The following RPS6KA2 variants were observed in gnomAD, a reference collection of about 807,000 sequenced individuals.
RPS6KA2 encodes ribosomal protein S6 kinase A2.
In RPS6KA2, 42 loss-of-function variants were observed where a neutral mutation model predicts 91.8. The ratio of observed to expected loss-of-function variants is 0.46; its 90% CI spans 0.36 to 0.59. The LOEUF (loss-of-function observed/expected upper bound fraction) is 0.59, where lower values mean the gene tolerates loss of function less well. Among genes scored for constraint, RPS6KA2 ranks in the 20% least tolerant of loss-of-function variants. The probability of loss-of-function intolerance (pLI) is 0.00; values close to 1 mark genes in which losing one functional copy is unlikely to be tolerated. For missense variants in RPS6KA2, 798 were observed against 978.5 expected (o/e 0.82, Z 2.46); for synonymous variants, 414 against 393.6 (o/e 1.05, Z -0.61).
chr6:166,534,221 C>CAAAAAAAAAAAAAAAAAAAAA (rs34585369), intron 2 of RPS6KA2, among the ~76,000 whole-genome samples: 1 of 59,344 alleles, frequency 1.7e-5, no homozygotes, highest in Admixed American at 2.4e-4. Flanking sequence ...GACTCTGTCT[C>CAAAAAAAAAAAAAAAAAAAAA]AAAAAAAAAA....
chr6:166,753,039 C>T (rs1777895096), intron 2 of RPS6KA2, among the ~76,000 whole-genome samples: 1 of 152,210 alleles, frequency 6.6e-6, no homozygotes, highest in Non-Finnish European at 1.5e-5. Context: ...AGATACCACT[C>T]CCTTTATGGG....
intron 2 of RPS6KA2, among the ~76,000 whole-genome samples, chr6:166,755,630 C>T (rs562985358): frequency 3.3e-5 from 5 of 152,316 alleles, no homozygotes; most frequent in East Asian, 1.9e-4. Flanking sequence ...TGCTGCGCTC[C>T]GGCCCAGCTT....
In RPS6KA2 at chr6:166,419,973, C is replaced by A. The variant is rs371642797; in HGVS notation, c.1744-15G>T. On this transcript the variant is annotated splice_polypyrimidine_tract_variant and intron_variant, in intron 17 of 20. Transcript: ENST00000265678. The surrounding 1 kb of genome is among the most constrained non-coding windows in gnomAD (Gnocchi z 5.6). ...CGCTTCAGGACCTAGGAGGGAACGA[C>A]AGGACACCGGCACGCCCTTCACTAA... The A allele has an allele frequency of 6.8e-6, 11 of 1,612,374 alleles. No individual in the cohort carries two copies. The highest frequency in any genetic ancestry group is 9.3e-6 in the Non-Finnish European group (11 of 1,178,670).
intron 2 of RPS6KA2, among the ~76,000 whole-genome samples, chr6:166,704,042 C>T (rs1413967168): frequency 1.3e-5 from 2 of 152,174 alleles, no homozygotes; most frequent in Non-Finnish European, 1.5e-5. Context: ...TATTGGCTCA[C>T]ACTTCTTGCA....
intron 8 of RPS6KA2, among the ~76,000 whole-genome samples, chr6:166,492,307 G>A (rs1033222956): frequency 6.6e-6 from 1 of 152,084 alleles, no homozygotes; most frequent in East Asian, 1.9e-4. Context: ...GTAATAAAAA[G>A]CAAGCGGAAG....
At chr6:166,504,050 G>A (rs558880678) in intron 6 of RPS6KA2, among the ~76,000 whole-genome samples, 1 of 152,336 alleles carries the variant, frequency 6.6e-6, no homozygotes, top group South Asian at 2.1e-4. Flanking sequence ...TGAAGTAGAT[G>A]AAAGGGCTTC....
chr6:166,645,336 T>C (rs1787573382), intron 2 of RPS6KA2, among the ~76,000 whole-genome samples: 1 of 152,198 alleles, frequency 6.6e-6, no homozygotes, highest in African/African-American at 2.4e-5. Context: ...AGTTTTTGAA[T>C]TACCAGTCGT....
At chr6:166,615,776 C>G (rs1259972551) in intron 1 of RPS6KA2, among the ~76,000 whole-genome samples, 1 of 152,098 alleles carries the variant, frequency 6.6e-6, no homozygotes, top group Non-Finnish European at 1.5e-5. Context: ...GGAGAGCACA[C>G]CCCCCCAGGA....
At chr6:166,760,496 C>A (rs1351531478) in intron 2 of RPS6KA2, among the ~76,000 whole-genome samples, 1 of 152,212 alleles carries the variant, frequency 6.6e-6, no homozygotes, top group Non-Finnish European at 1.5e-5. Flanking sequence ...CGCCCCCACC[C>A]CCATCGCGGT....
intron 2 of RPS6KA2, among the ~76,000 whole-genome samples, chr6:166,807,682 C>T (rs1228860072): frequency 5.3e-5 from 8 of 152,074 alleles, no homozygotes; most frequent in Non-Finnish European, 7.4e-5. Flanking sequence ...CTGCAGGTCA[C>T]GCTGGCCTCC....
At chr6:166,802,926 ATG>A (rs1779405261) in intron 2 of RPS6KA2, among the ~76,000 whole-genome samples, 1 of 107,042 alleles carries the variant, frequency 9.3e-6, no homozygotes, top group Non-Finnish European at 2.0e-5. Context: ...TATATAATGT[ATG>A]TATATGTGTG....
At position 166,495,026 on chromosome 6, in the gene RPS6KA2, G is replaced by A. The variant is rs1474327405; in HGVS notation, c.747+3482C>T. ...GATGCCACCCACGGACGTGTGGGAAGCGTGGGGCCTCCACAGTCAAGACCT... is the reference window on the plus strand; with the variant it reads ...GATGCCACCCACGGACGTGTGGGAAACGTGGGGCCTCCACAGTCAAGACCT... On this transcript the variant is annotated intron_variant, in intron 8 of 20. Transcript: ENST00000265678. The surrounding 1 kb of genome is among the most constrained non-coding windows in gnomAD (Gnocchi z 4.4). Among the ~76,000 whole-genome samples, 1 of 152,236 alleles carries A rather than the reference G, an allele frequency of 6.6e-6. No homozygotes were observed. The highest frequency in any genetic ancestry group is 1.5e-5 in the Non-Finnish European group (1 of 68,044).
At chr6:166,641,727 A>C (rs1787442460) in intron 2 of RPS6KA2, among the ~76,000 whole-genome samples, 4 of 72,354 alleles carry the variant, frequency 5.5e-5, no homozygotes, top group African/African-American at 2.9e-4. Context: ...CACAAAAAAA[A>C]AAAAAAAAAA....
At chr6:166,765,071 A>T (rs1778276054) in intron 2 of RPS6KA2, among the ~76,000 whole-genome samples, 1 of 133,128 alleles carries the variant, frequency 7.5e-6, no homozygotes. Context: ...TGCCAGCTCC[A>T]GGGCAGGTGG....
upstream of RPS6KA2, among the ~76,000 whole-genome samples, chr6:166,628,262 T>G (rs1019270360): frequency 7.2e-5 from 11 of 152,176 alleles, no homozygotes; most frequent in Middle Eastern, 3.4e-3. Context: ...GGGCCGAGAA[T>G]GCGGGCTCAC....
intron 2 of RPS6KA2, among the ~76,000 whole-genome samples, chr6:166,678,388 A>G (rs1054763103): frequency 6.6e-6 from 1 of 152,254 alleles, no homozygotes; most frequent in Non-Finnish European, 1.5e-5. Context: ...GCCGCCCTGC[A>G]AGCCCACTGA....
rs976256086 is a variant in RPS6KA2, at chr6:166,666,585, T to C, written c.124-127801A>G. 6.6e-6 allele frequency among the ~76,000 whole-genome samples: 1 copy of C among 152,112 alleles called. No homozygotes were observed. Among genetic ancestry groups the C allele is most frequent in the African/African-American group, 2.4e-5 (1 of 41,412 alleles). On this transcript the variant is annotated intron_variant, in intron 2 of 21. Transcript: ENST00000503859. This position sits in a 1 kb window ranked among gnomAD's most constrained non-coding sequence, Gnocchi z 4.0. ...CCGATAAGATACCCCCTCTCACCTG[T>C]TGGGATAGCTACATCAAAACAAATA...
intron 11 of RPS6KA2, among the ~76,000 whole-genome samples, chr6:166,468,987 AG>A (rs1448735920): frequency 6.6e-6 from 1 of 152,220 alleles, no homozygotes; most frequent in Non-Finnish European, 1.5e-5. Context: ...GGTCAGGAAA[AG>A]AAAATCCCAA....
intron 2 of RPS6KA2, among the ~76,000 whole-genome samples, chr6:166,836,911 C>A (rs186793792): frequency 1.2e-4 from 18 of 152,318 alleles, no homozygotes; most frequent in Admixed American, 6.5e-4. Context: ...GACCAGGCCT[C>A]GCTGCTTGGT....
Sources: allele counts gnomAD v4.1 joint callset (sites outside exome capture counted in the v4.1 genomes callset), GRCh38; gene constraint gnomAD v4.1.1; non-coding constraint Gnocchi (gnomAD v3.1); transcripts MANE v1.5; gene names NCBI Gene and HGNC (gene_info 2026-07-23, HGNC 2026-07-21).